The following RGS7BP variants were observed in gnomAD, a reference collection of about 807,000 sequenced individuals.
The protein encoded by RGS7BP is regulator of G protein signaling 7-binding protein.
Under a neutral mutation model 31.3 loss-of-function variants are expected in RGS7BP, and 9 were observed. The observed-to-expected ratio is 0.29, with a 90% CI of 0.17 to 0.50. RGS7BP has a LOEUF of 0.50. RGS7BP is among the 20% of genes least tolerant of loss of function. RGS7BP has a pLI of 0.98. For missense variants in RGS7BP, 274 were observed against 322.0 expected (o/e 0.85, Z 1.14); for synonymous variants, 115 against 120.1 (o/e 0.96, Z 0.28).
chr5:64,528,104 T>C (rs1038226871), intron 2 of RGS7BP, among the ~76,000 whole-genome samples: 2 of 152,242 alleles, frequency 1.3e-5, no homozygotes, highest in Non-Finnish European at 2.9e-5. Context: ...CCTACAAAAA[T>C]GTACTAACCT....
At chr5:64,577,528 G>A (rs186578739) in intron 3 of RGS7BP, among the ~76,000 whole-genome samples, 106 of 152,258 alleles carry the variant, frequency 7.0e-4, no homozygotes, top group African/African-American at 2.6e-3. Flanking sequence ...TCCAGAGACA[G>A]GAGAACATTT....
chr5:64,583,322 GA>G (rs1288395352), intron 3 of RGS7BP, among the ~76,000 whole-genome samples: 1 of 152,178 alleles, frequency 6.6e-6, no homozygotes, highest in African/African-American at 2.4e-5. Context: ...CCAGGAGGCA[GA>G]GGTTGCAGTG....
intron 3 of RGS7BP, among the ~76,000 whole-genome samples, chr5:64,576,277 C>T (rs1374124029): frequency 1.3e-5 from 2 of 152,206 alleles, no homozygotes; most frequent in African/African-American, 4.8e-5. Context: ...AAACAAATTA[C>T]ATAGTGTCCC....
intron 2 of RGS7BP, among the ~76,000 whole-genome samples, chr5:64,515,272 T>C (rs1303728713): frequency 1.3e-5 from 2 of 152,218 alleles, no homozygotes; most frequent in African/African-American, 4.8e-5. Flanking sequence ...TATTATTTTC[T>C]GTTTTTAACT....
intron 4 of RGS7BP, among the ~76,000 whole-genome samples, chr5:64,595,670 G>C (rs909759913): frequency 6.6e-6 from 1 of 152,140 alleles, no homozygotes; most frequent in African/African-American, 2.4e-5. Flanking sequence ...AATGTCCCCA[G>C]AGCTGGCACC....
intron 3 of RGS7BP, among the ~76,000 whole-genome samples, chr5:64,590,289 A>T (rs536675486): frequency 1.3e-5 from 2 of 152,168 alleles, no homozygotes; most frequent in African/African-American, 4.8e-5. Context: ...AAACTAACGA[A>T]TTTTGCATTC....
chr5:64,605,609 G>A lies in RGS7BP; in HGVS notation c.683-3552G>A, dbSNP rs907819906. ...ACTGCAGGTGTCAGCTCCCTATGGT[G>A]TAGAAAGCTGCTCTGAATTTCTGCC... is the stretch of plus-strand genomic sequence containing the variant. On this transcript the variant is annotated intron_variant, in intron 5 of 5. Coordinates refer to ENST00000334025, the MANE Select transcript of RGS7BP (RefSeq NM_001029875.3). Among the ~76,000 whole-genome samples, 8 of 152,198 alleles carry A rather than the reference G, an allele frequency of 5.3e-5. No individual in the cohort carries two copies. In the South Asian group the frequency reaches 6.2e-4, roughly 12 times the overall value.
At chr5:64,529,071 T>C (rs1174653075) in intron 2 of RGS7BP, among the ~76,000 whole-genome samples, 2 of 152,194 alleles carry the variant, frequency 1.3e-5, no homozygotes, top group Admixed American at 1.3e-4. Flanking sequence ...TTATAGATTT[T>C]AGCTTTAACA....
intron 4 of RGS7BP, among the ~76,000 whole-genome samples, chr5:64,596,579 A>G (rs1430200114): frequency 6.6e-6 from 1 of 152,034 alleles, no homozygotes; most frequent in Non-Finnish European, 1.5e-5. Context: ...TCTTACATGA[A>G]AACAGACTGT....
intron 2 of RGS7BP, among the ~76,000 whole-genome samples, chr5:64,567,660 T>C (rs1742202810): frequency 6.6e-6 from 1 of 152,140 alleles, no homozygotes. Flanking sequence ...GTCATTGTTT[T>C]TGGCAATATT....
chr5:64,547,910 C>G (rs558753872), intron 2 of RGS7BP, among the ~76,000 whole-genome samples: 9 of 152,010 alleles, frequency 5.9e-5, no homozygotes, highest in Admixed American at 2.0e-4. Flanking sequence ...TGCTAATAGG[C>G]CTTTTGGGGA....
chr5:64,507,252 G>C (rs1228357089), intron 1 of RGS7BP, among the ~76,000 whole-genome samples: 3 of 152,194 alleles, frequency 2.0e-5, no homozygotes, highest in African/African-American at 7.2e-5. Context: ...GAGAGGTTCA[G>C]TGGCCCAGCA....
Position 64,506,892 on chromosome 5 carries a change from C to A in RGS7BP, c.165+103C>A. 9.1e-7 allele frequency: 1 copy of A among 1,096,202 alleles called. No homozygotes were observed. The highest frequency in any genetic ancestry group is 1.3e-6 in the Non-Finnish European group (1 of 768,296). The allele number at this position is 1,096,202 out of a possible 1,614,324, so 67.9% of individuals were successfully genotyped here. On this transcript the variant is annotated intron_variant, in intron 1 of 5. Coordinates refer to ENST00000334025, the MANE Select transcript of RGS7BP (RefSeq NM_001029875.3). The surrounding 1 kb of genome is among the most constrained non-coding windows in gnomAD (Gnocchi z 4.6). ...CCTGAGTGCCAGCCACTCCCCCACC[C>A]TCAGCTCCTCAATGCCGATCACGTG...
Position 64,594,699 on chromosome 5 carries a change from C to G in RGS7BP, c.464-11C>G, listed in dbSNP as rs550274145. The G allele has an allele frequency of 1.9e-6, 3 of 1,613,496 alleles. No individual in the cohort carries two copies. The highest frequency in any genetic ancestry group is 2.5e-6 in the Non-Finnish European group (3 of 1,179,592). On this transcript the variant is annotated splice_polypyrimidine_tract_variant and intron_variant, in intron 3 of 5. Transcript: ENST00000334025. ...TTCCTCTTCTCTTTACCAACACCCT[C>G]CCTCCCTTAGGAAAGGAACCTGGCG...
intron 3 of RGS7BP, among the ~76,000 whole-genome samples, chr5:64,581,538 G>C (rs984763510): frequency 1.3e-5 from 2 of 152,198 alleles, no homozygotes; most frequent in Non-Finnish European, 2.9e-5. Flanking sequence ...GAGTAGTCAG[G>C]ACATGAGTTT....
intron 2 of RGS7BP, among the ~76,000 whole-genome samples, chr5:64,562,474 T>A (rs1742077383): frequency 6.6e-6 from 1 of 152,236 alleles, no homozygotes; most frequent in African/African-American, 2.4e-5. Context: ...AATCACACAC[T>A]TGTAAGTAAT....
At chr5:64,567,349 T>C (rs1742195829) in intron 2 of RGS7BP, among the ~76,000 whole-genome samples, 2 of 152,150 alleles carry the variant, frequency 1.3e-5, no homozygotes, top group African/African-American at 2.4e-5. Context: ...CAACTTGTCA[T>C]AATTAATTAT....
At position 64,506,673 on chromosome 5, in the gene RGS7BP, C is replaced by A. The variant is rs144739204; in HGVS notation, c.49C>A (p.Arg17Ser). ...GRKKRPSRST[R>S]SSIFQISKPP... is the part of the protein sequence containing the mutation. ...CAAAAAGCGCCCCAGCCGGTCCACC[C>A]GCTCCTCGATCTTCCAGATCAGCAA... Residue 17 changes from arginine (R) to serine (S), a missense_variant, in exon 1 of 6, where the codon CGC becomes AGC. By Grantham distance (110) the Arg-to-Ser change is moderately radical (BLOSUM62 -1). This residue lies in a region of RGS7BP where 149 missense variants were observed against 152.6 expected (regional missense o/e 0.98). Coordinates refer to ENST00000334025, the MANE Select transcript of RGS7BP (RefSeq NM_001029875.3). The surrounding 1 kb of genome is among the most constrained non-coding windows in gnomAD (Gnocchi z 4.6). The A allele has an allele frequency of 1.5e-4, 249 of 1,612,832 alleles. 1 individual carries two copies. Among genetic ancestry groups the A allele is most frequent in the Admixed American group, 2.0e-4 (12 of 60,018 alleles).
intron 2 of RGS7BP, among the ~76,000 whole-genome samples, chr5:64,563,148 T>C (rs968999663): frequency 1.3e-5 from 2 of 151,868 alleles, no homozygotes; most frequent in African/African-American, 4.8e-5. Context: ...CTTTAAAGGG[T>C]AGAAAGGGAA....
Sources: allele counts gnomAD v4.1 joint callset (sites outside exome capture counted in the v4.1 genomes callset), GRCh38; gene constraint gnomAD v4.1.1; regional missense constraint gnomAD v4.1.1; non-coding constraint Gnocchi (gnomAD v3.1); transcripts MANE v1.5; gene names NCBI Gene and HGNC (gene_info 2026-07-23, HGNC 2026-07-21).